Variants in SHROOM2 observed in about 807,000 individuals in gnomAD.
SHROOM2 encodes the protein shroom family member 2.
SHROOM2 carries 33 observed loss-of-function variants against 75.9 expected under a neutral mutation model. That is an observed-to-expected ratio of 0.43 (90% CI 0.33 to 0.58). The LOEUF is 0.58. SHROOM2 is among the 20% of genes least tolerant of loss of function. The pLI is 0.04. For synonymous variants in SHROOM2, 655 were observed against 663.6 expected (o/e 0.99, Z 0.20); for missense variants, 1,434 against 1,461.2 (o/e 0.98, Z 0.30).
chrX:9,896,898 G>A (rs766649639), intron 4 of SHROOM2, among the ~76,000 whole-genome samples, 200 bp downstream of exon 4: 14 of 112,579 alleles, frequency 1.2e-4, no homozygotes, highest in Admixed American at 6.6e-4. Flanking sequence ...CCATATTCCC[G>A]AAAACCCACA....
At chrX:9,862,345 C>G (rs191072817) in intron 1 of SHROOM2, among the ~76,000 whole-genome samples, 62 of 110,261 alleles carry the variant, frequency 5.6e-4, no homozygotes, top group Admixed American at 4.7e-3. Context: ...CTCCCCACCC[C>G]CTCCAAAGCT....
intron 1 of SHROOM2, among the ~76,000 whole-genome samples, chrX:9,835,119 A>T (rs111951726): frequency 8.9e-6 from 1 of 112,314 alleles, no homozygotes; most frequent in African/African-American, 3.2e-5. Context: ...CACTGATGGG[A>T]AAAAACACAC....
At chrX:9,858,661 C>T (rs752127271) in intron 1 of SHROOM2, among the ~76,000 whole-genome samples, 4 of 110,688 alleles carry the variant, frequency 3.6e-5, no homozygotes, top group African/African-American at 6.6e-5. Flanking sequence ...AACAATTAGC[C>T]GGGTGTGGTG....
rs2146716726 is a variant in SHROOM2 at position 9,786,699 on chromosome X, G to T, written c.154G>T (p.Val52Phe). Residue 52 changes from valine to phenylalanine, a missense_variant, in exon 1 of 10, where the codon GTC becomes TTC. Physicochemically the swap from Val to Phe is conservative, Grantham distance 50. Coordinates refer to ENST00000380913, the MANE Select transcript of SHROOM2 (RefSeq NM_001649.4). ...KGGREHGEPL[V>F]ITKIEEGSKA... is the part of the protein sequence containing the mutation. ...CGGCCGCGAGCACGGCGAGCCGCTG[G>T]TCATCACCAAGGTAAGGCGGCCGCG... is the stretch of plus-strand genomic sequence containing the variant. 1.1e-6 allele frequency: 1 copy of T among 886,834 alleles called. No homozygotes were observed. The highest frequency in any genetic ancestry group is 6.0e-5 in the South Asian group (1 of 16,572). 73.1% of individuals were successfully genotyped at this position (886,834 alleles called of 1,213,427 possible). A position where few individuals can be genotyped will look rare whatever the true frequency, so the allele number is the denominator to read the frequency against.
chrX:9,808,696 C>T (rs996801183), intron 1 of SHROOM2, among the ~76,000 whole-genome samples: 15 of 109,809 alleles, frequency 1.4e-4, no homozygotes, highest in South Asian at 8.0e-4. Context: ...ACCCTGTCTC[C>T]ACTAAAAATA....
At chrX:9,941,060 A>G (rs1569179866) in intron 8 of SHROOM2, among the ~76,000 whole-genome samples, 1 of 112,494 alleles carries the variant, frequency 8.9e-6, no homozygotes, top group Non-Finnish European at 1.9e-5. Flanking sequence ...GACTCTGCCC[A>G]GAAAAGAGGG....
At chrX:9,788,379 C>T (rs1406676335) in intron 1 of SHROOM2, among the ~76,000 whole-genome samples, 1 of 111,322 alleles carries the variant, frequency 9.0e-6, no homozygotes, top group Admixed American at 9.6e-5. Context: ...TTGGGGATAG[C>T]TTGCATTAAG....
At chrX:9,919,324 C>CT (rs55905923) in intron 5 of SHROOM2, among the ~76,000 whole-genome samples, 6,814 of 32,405 alleles carry the variant, frequency 0.21, 1,745 homozygotes, top group East Asian at 0.27. Flanking sequence ...GAGGAGGTTG[C>CT]TTTTTTTTTT....
In SHROOM2 at chrX:9,948,097, T is replaced by G. The variant is rs1285330641; in HGVS notation, c.*1160T>G. ...GGAGAAAATATTTGCAAATCGTGTATCTGACAAAAGGTTTGTGTCCAGGAT... is the reference window on the plus strand; with the variant it reads ...GGAGAAAATATTTGCAAATCGTGTAGCTGACAAAAGGTTTGTGTCCAGGAT... On this transcript the variant is annotated 3_prime_UTR_variant, in exon 10 of 10. Transcript: ENST00000380913. 8.9e-6 allele frequency: 1 copy of G among 111,986 alleles called. No homozygotes were observed. Among genetic ancestry groups the G allele is most frequent in the Non-Finnish European group, 1.9e-5 (1 of 53,247 alleles). The allele number at this position is 111,986 out of a possible 1,213,427, so 9.2% of individuals were successfully genotyped here.
chrX:9,880,512 T>C (rs938548877), intron 2 of SHROOM2, among the ~76,000 whole-genome samples: 3 of 112,931 alleles, frequency 2.7e-5, no homozygotes, highest in African/African-American at 9.6e-5. Context: ...AGAGGTGATA[T>C]TGGCAGAGCC....
intron 1 of SHROOM2, among the ~76,000 whole-genome samples, chrX:9,793,131 A>G (rs2083676327): frequency 1.8e-5 from 2 of 111,704 alleles, no homozygotes; most frequent in African/African-American, 6.5e-5. Flanking sequence ...CTGACTACTG[A>G]TCACTTCCCC....
intron 1 of SHROOM2, among the ~76,000 whole-genome samples, chrX:9,855,072 T>TTA (rs1320122057): frequency 2.1e-5 from 2 of 94,587 alleles, no homozygotes; most frequent in Non-Finnish European, 4.3e-5. Context: ...CCACTCTTTT[T>TTA]AAAAAAAAAA....
At chrX:9,881,331 A>G (rs1046310354) in intron 2 of SHROOM2, among the ~76,000 whole-genome samples, 1 of 111,977 alleles carries the variant, frequency 8.9e-6, no homozygotes, top group Non-Finnish European at 1.9e-5. Context: ...TGATTTCACT[A>G]CTTTGATTTG....
At chrX:9,797,511 C>T (rs758981349) in intron 1 of SHROOM2, among the ~76,000 whole-genome samples, 1 of 112,851 alleles carries the variant, frequency 8.9e-6, no homozygotes, top group East Asian at 2.8e-4. Context: ...ATATACGGTG[C>T]TTCTTTTACA....
chrX:9,893,847 G>A (rs1014168915), intron 3 of SHROOM2, among the ~76,000 whole-genome samples: 57 of 109,154 alleles, frequency 5.2e-4, no homozygotes, highest in African/African-American at 1.8e-3. Context: ...CCAGCTACTC[G>A]GGAGGCTGAG....
Position 9,793,739 on chromosome X carries a change from C to T in SHROOM2, c.165+7029C>T, listed in dbSNP as rs760148443. On this transcript the variant is annotated intron_variant, in intron 1 of 9. Transcript: ENST00000380913. ...GTAGGATCTTGAGCAGCATACCTAG[C>T]CTCTTCCTTTCTTTTTTTTTTTTTA... Among the ~76,000 whole-genome samples, 8 of 109,465 alleles carry T rather than the reference C, an allele frequency of 7.3e-5. No individual in the cohort carries two copies. In the South Asian group the frequency reaches 2.7e-3, roughly 37 times the overall value.
rs370184337 is a variant in SHROOM2 at position 9,895,892 on chromosome X, C to T, written c.1984C>T (p.Arg662Cys). The change falls in exon 4 of 10, where the codon CGC (arginine) becomes TGC (cysteine). Residue 662 changes from arginine to cysteine, a missense_variant. Physicochemically the swap from Arg to Cys is radical, Grantham distance 180. Transcript: ENST00000380913. Reference sequence around the variant, plus strand: ...AGGGGAGGCGGAGGATGGCACCGGCCGCTGGAGGGCCGGGTTGGGAGGTGG... The same window carrying T: ...AGGGGAGGCGGAGGATGGCACCGGCTGCTGGAGGGCCGGGTTGGGAGGTGG... ...AAGEAEDGTG[R>C]WRAGLGGGTQ... 9 of 1,198,940 alleles carry T rather than the reference C, an allele frequency of 7.5e-6. No individual in the cohort carries two copies. Among genetic ancestry groups the T allele is most frequent in the Non-Finnish European group, 1.0e-5 (9 of 889,776 alleles).
chrX:9,932,249 C>T lies in SHROOM2; in HGVS notation c.2966C>T (p.Pro989Leu), dbSNP rs1346808138. 1.7e-6 allele frequency: 2 copies of T among 1,184,032 alleles called. No individual in the cohort carries two copies. The highest frequency in any genetic ancestry group is 3.0e-5 in the East Asian group (1 of 33,286). ...QHPPSQKAPNPPTFSELSHCR... is the reference protein window; with the variant it reads ...QHPPSQKAPNLPTFSELSHCR... ...CCACCGAGTCAGAAGGCACCGAACCCACCCACATTCTCTGAACTATCTCAC... is the reference window on the plus strand; with the variant it reads ...CCACCGAGTCAGAAGGCACCGAACCTACCCACATTCTCTGAACTATCTCAC... Residue 989 changes from proline (P) to leucine (L), a missense_variant, in exon 6 of 10, where the codon CCA becomes CTA. By Grantham distance (98) the Pro-to-Leu change is moderately conservative. This residue lies in a region of SHROOM2 where 1,340 missense variants were observed against 1,338.3 expected (regional missense o/e 1.00). Transcript: ENST00000380913.
At chrX:9,889,004 A>G (rs1026583001) in intron 2 of SHROOM2, among the ~76,000 whole-genome samples, 2 of 111,959 alleles carry the variant, frequency 1.8e-5, no homozygotes, top group Non-Finnish European at 3.8e-5. Context: ...TCATTAATTA[A>G]CTATAAAGGA....
Sources: gnomAD v4.1 joint callset for allele counts (sites outside exome capture counted in the v4.1 genomes callset) on GRCh38, gnomAD v4.1.1 for gene constraint, gnomAD v4.1.1 regional missense constraint, MANE v1.5 for transcripts, NCBI Gene and HGNC (gene_info 2026-07-23, HGNC 2026-07-21) for gene names.